KCNJ6: variants seen among roughly 807,000 people sequenced by gnomAD.
KCNJ6 encodes the protein potassium inwardly rectifying channel subfamily J member 6, also known as G protein-activated inward rectifier potassium channel 2.
Under a neutral mutation model 34.2 loss-of-function variants are expected in KCNJ6, and 9 were observed. That is an observed-to-expected ratio of 0.26 (90% confidence interval 0.16 to 0.46). The LOEUF (loss-of-function observed/expected upper bound fraction) is 0.46. Ranked by LOEUF, KCNJ6 falls within the 20% of genes least tolerant of loss-of-function variation. KCNJ6 has a pLI of 1.00. For missense variants in KCNJ6, 236 were observed against 531.3 expected, an observed-to-expected ratio of 0.44 and a Z score of 5.46; for synonymous variants, 196 against 207.1, an observed-to-expected ratio of 0.95 and a Z score of 0.46.
At chr21:37,759,669 C>CT (rs2123493217) in intron 2 of KCNJ6, among the ~76,000 whole-genome samples, 1 of 152,352 alleles carries the variant, frequency 6.6e-6, no homozygotes, top group Non-Finnish European at 1.5e-5. Context: ...CCTTCTCTTC[C>CT]TTTCCTGGCA....
chr21:37,865,632 G>GT (rs1475423998), intron 1 of KCNJ6, among the ~76,000 whole-genome samples: 1 of 152,190 alleles, frequency 6.6e-6, no homozygotes, highest in Non-Finnish European at 1.5e-5. Flanking sequence ...ACTTGTCCAT[G>GT]TCATACCCCT....
chr21:37,693,242 C>T (rs146771831), intron 3 of KCNJ6, among the ~76,000 whole-genome samples: 469 of 100,370 alleles, frequency 4.7e-3, no homozygotes, highest in African/African-American at 0.018. Context: ...TAGGCAACAT[C>T]CAAGCAATGT....
At chr21:37,823,302 A>G (rs1251536248) in intron 2 of KCNJ6, among the ~76,000 whole-genome samples, 1 of 152,260 alleles carries the variant, frequency 6.6e-6, no homozygotes, top group Non-Finnish European at 1.5e-5. Context: ...AACAACATGG[A>G]TGAACCTGGA....
At chr21:37,823,715 C>T (rs922058825) in intron 2 of KCNJ6, among the ~76,000 whole-genome samples, 1 of 152,212 alleles carries the variant, frequency 6.6e-6, no homozygotes, top group South Asian at 2.1e-4. Flanking sequence ...GTCAATTAAA[C>T]CTCTTTCCTT....
At chr21:37,729,342 G>C (rs975904440) in intron 2 of KCNJ6, among the ~76,000 whole-genome samples, 4 of 151,904 alleles carry the variant, frequency 2.6e-5, no homozygotes, top group Admixed American at 6.6e-5. Flanking sequence ...TTTGGGGGGG[G>C]GGGCAGGGTC....
chr21:37,839,804 AT>A (rs1327386933), intron 2 of KCNJ6, among the ~76,000 whole-genome samples: 5 of 152,046 alleles, frequency 3.3e-5, no homozygotes, highest in Middle Eastern at 6.8e-3. Context: ...TTCCTTTTTT[AT>A]TTTTATCTTT....
chr21:37,883,580 G>A (rs1234484011), intron 1 of KCNJ6, among the ~76,000 whole-genome samples: 2 of 152,196 alleles, frequency 1.3e-5, no homozygotes, highest in Non-Finnish European at 2.9e-5. Flanking sequence ...CACCGTCTTG[G>A]CTTCTCTGCC....
chr21:37,905,740 G>C lies in KCNJ6; in HGVS notation c.-28+10144C>G, dbSNP rs546261402. On this transcript the variant is annotated intron_variant, in intron 1 of 3. Coordinates refer to ENST00000609713, the MANE Select transcript of KCNJ6 (RefSeq NM_002240.5). ...AATACTCTCATTTTCTAAGTTTAAG[G>C]CCTCTGGGAACTGAAGTCAGGGCAT... is the stretch of plus-strand genomic sequence containing the variant. Among the ~76,000 whole-genome samples the C allele has an allele frequency of 3.3e-5, 5 of 152,060 alleles. No individual in the cohort carries two copies. In the South Asian group the frequency reaches 1.0e-3, roughly 32 times the overall value.
At chr21:37,828,986 G>T (rs1444305682) in intron 2 of KCNJ6, among the ~76,000 whole-genome samples, 1 of 152,248 alleles carries the variant, frequency 6.6e-6, no homozygotes, top group East Asian at 1.9e-4. Flanking sequence ...GAGGGTGCAG[G>T]GAAAGGCTGG....
chr21:37,900,655 A>G (rs1355419111), intron 1 of KCNJ6, among the ~76,000 whole-genome samples: 1 of 152,178 alleles, frequency 6.6e-6, no homozygotes, highest in East Asian at 1.9e-4. Context: ...AGAAGGGGCA[A>G]TTCTGGGTGG....
chr21:37,870,699 G>A (rs923174009), intron 1 of KCNJ6, among the ~76,000 whole-genome samples: 4 of 151,992 alleles, frequency 2.6e-5, no homozygotes, highest in Non-Finnish European at 5.9e-5. Context: ...AAATGGTCTG[G>A]TTCCTTTATT....
chr21:37,881,986 A>G (rs2123624380), intron 1 of KCNJ6, among the ~76,000 whole-genome samples: 1 of 152,282 alleles, frequency 6.6e-6, no homozygotes, highest in East Asian at 1.9e-4. Context: ...CTTAAACATT[A>G]TAGGGCTTCT....
intron 1 of KCNJ6, among the ~76,000 whole-genome samples, chr21:37,887,739 G>GATC (rs2055742743): frequency 6.6e-6 from 1 of 152,216 alleles, no homozygotes; most frequent in Non-Finnish European, 1.5e-5. Context: ...AAGGTGATCT[G>GATC]GAGAGGGATC....
Position 37,615,102 on chromosome 21 carries a change from T to C in KCNJ6, c.*10057A>G, listed in dbSNP as rs938150051. The C allele has an allele frequency of 6.6e-6, 1 of 152,180 alleles. No individual in the cohort carries two copies. Among genetic ancestry groups the C allele is most frequent in the African/African-American group, 2.4e-5 (1 of 41,432 alleles). 9.4% of individuals were successfully genotyped at this position (152,180 alleles called of 1,614,324 possible). Reference sequence around the variant, plus strand: ...TTCTCATCTACCCTCTAATGCCCCATGAGACACAGCAAGCTGACCAGGTAA... The same window carrying C: ...TTCTCATCTACCCTCTAATGCCCCACGAGACACAGCAAGCTGACCAGGTAA... On this transcript the variant is annotated 3_prime_UTR_variant, in exon 4 of 4. Coordinates refer to ENST00000609713, the MANE Select transcript of KCNJ6 (RefSeq NM_002240.5).
intron 1 of KCNJ6, among the ~76,000 whole-genome samples, chr21:37,900,032 G>A (rs1334953498): frequency 1.3e-5 from 2 of 152,116 alleles, no homozygotes; most frequent in Non-Finnish European, 2.9e-5. Flanking sequence ...TTGCTTCTGT[G>A]GTCAATGGAT....
chr21:37,829,849 A>G (rs1200709902), intron 2 of KCNJ6, among the ~76,000 whole-genome samples: 2 of 152,242 alleles, frequency 1.3e-5, no homozygotes, highest in Non-Finnish European at 2.9e-5. Flanking sequence ...TAGCTGCCCC[A>G]GAGCCGGGCT....
intron 3 of KCNJ6, among the ~76,000 whole-genome samples, chr21:37,649,639 C>T (rs1475839): frequency 0.31 from 46,979 of 152,052 alleles, 7,397 homozygotes; most frequent in South Asian, 0.32. Context: ...GCAGGTGCTG[C>T]TTCCAGATGA....
chr21:37,770,538 G>C (rs1261723573), intron 2 of KCNJ6, among the ~76,000 whole-genome samples: 1 of 152,074 alleles, frequency 6.6e-6, no homozygotes, highest in Non-Finnish European at 1.5e-5. Flanking sequence ...AGATCCTTTA[G>C]GGCATCTCTT....
intron 2 of KCNJ6, among the ~76,000 whole-genome samples, chr21:37,825,809 C>T (rs1372512967): frequency 1.3e-5 from 2 of 152,146 alleles, no homozygotes; most frequent in Non-Finnish European, 2.9e-5. Flanking sequence ...TACATTGAGG[C>T]AGGGAGAATG....
Sources: gnomAD v4.1 joint callset for allele counts (sites outside exome capture counted in the v4.1 genomes callset) on GRCh38, gnomAD v4.1.1 for gene constraint, MANE v1.5 for transcripts, NCBI Gene and HGNC (gene_info 2026-07-23, HGNC 2026-07-21) for gene names.